Variants in PIAS1 observed in about 807,000 individuals in gnomAD.
PIAS1 encodes protein inhibitor of activated STAT 1, also known as E3 SUMO-protein ligase PIAS1.
PIAS1 carries 6 observed loss-of-function variants against 71.3 expected under a neutral mutation model. The ratio of observed to expected loss-of-function variants is 0.08; its 90% CI spans 0.05 to 0.17. PIAS1 has a LOEUF of 0.17. PIAS1 is among the 10% of genes least tolerant of loss of function. The pLI, the probability that PIAS1 is intolerant of heterozygous loss-of-function variation, is 1.00. For synonymous variants in PIAS1, 303 were observed against 292.9 expected, an observed-to-expected ratio of 1.03 and a Z score of -0.35; for missense variants, 555 against 793.6, an observed-to-expected ratio of 0.70 and a Z score of 3.61.
chr15:68,119,688 T>C (rs1444130180), intron 2 of PIAS1, among the ~76,000 whole-genome samples: 5 of 152,160 alleles, frequency 3.3e-5, no homozygotes, highest in Non-Finnish European at 5.9e-5. Flanking sequence ...ATCAGATTGG[T>C]TGGTAATATT....
At chr15:68,091,337 G>T (rs1326913902) in intron 2 of PIAS1, among the ~76,000 whole-genome samples, 1 of 151,842 alleles carries the variant, frequency 6.6e-6, no homozygotes, top group Non-Finnish European at 1.5e-5. Context: ...TGTTTAAATT[G>T]GCTTTGTTAG....
rs1181086379 is a variant in PIAS1 at position 68,167,269 on chromosome 15, A to G, written c.1008+2465A>G. 6.6e-6 allele frequency among the ~76,000 whole-genome samples: 1 copy of G among 152,206 alleles called. No individual in the cohort carries two copies. Among genetic ancestry groups the G allele is most frequent in the Non-Finnish European group, 1.5e-5 (1 of 68,044 alleles). ...CATGGGTTTCTATTTGGCTAAAGGGATAATCCCTTACAGTTATTCTGAAAT... is the reference window on the plus strand; with the variant it reads ...CATGGGTTTCTATTTGGCTAAAGGGGTAATCCCTTACAGTTATTCTGAAAT... On this transcript the variant is annotated intron_variant, in intron 8 of 13. Coordinates refer to ENST00000249636, the MANE Select transcript of PIAS1 (RefSeq NM_016166.3). This position sits in a 1 kb window ranked among gnomAD's most constrained non-coding sequence, Gnocchi z 4.4.
At chr15:68,120,856 T>C (rs186916658) in intron 2 of PIAS1, among the ~76,000 whole-genome samples, 3 of 152,250 alleles carry the variant, frequency 2.0e-5, no homozygotes, top group East Asian at 3.9e-4. Context: ...CTTTTCACCA[T>C]GTTGACCAGG....
chr15:68,166,405 G>A (rs989400684), intron 8 of PIAS1, among the ~76,000 whole-genome samples: 5 of 151,354 alleles, frequency 3.3e-5, no homozygotes, highest in South Asian at 2.1e-4. Context: ...GGGAAGTAGA[G>A]GGTGAGAAAA....
chr15:68,095,604 C>T (rs964230933), intron 2 of PIAS1, among the ~76,000 whole-genome samples: 2 of 149,374 alleles, frequency 1.3e-5, no homozygotes, highest in South Asian at 2.1e-4. Flanking sequence ...GATCTCGGCT[C>T]ACTGCAACTT....
chr15:68,134,441 G>A lies in PIAS1; in HGVS notation c.470-7505G>A, dbSNP rs1413484079. ...CCTCACCACCCAGTAGGAGCGGCTG[G>A]GCAGAGGCGCCCCTCACCTCCCGGA... On this transcript the variant is annotated intron_variant, in intron 2 of 13. Transcript: ENST00000249636. Among the ~76,000 whole-genome samples the A allele has an allele frequency of 3.5e-5, 2 of 57,616 alleles. 1 individual carries two copies. The highest frequency in any genetic ancestry group is 1.4e-4 in the Non-Finnish European group (2 of 14,498). The allele number at this position is 57,616 out of a possible 152,430, so 37.8% of individuals were successfully genotyped here.
chr15:68,156,543 C>T (rs1038770978), intron 7 of PIAS1, among the ~76,000 whole-genome samples: 36 of 151,714 alleles, frequency 2.4e-4, no homozygotes, highest in African/African-American at 7.8e-4. Flanking sequence ...CCTGTCTCTA[C>T]TAAAAATACA....
At chr15:68,072,398 TC>T (rs1247213634) in intron 1 of PIAS1, among the ~76,000 whole-genome samples, 1 of 34,336 alleles carries the variant, frequency 2.9e-5, no homozygotes, top group Non-Finnish European at 4.6e-5. Flanking sequence ...AGACTCCATC[TC>T]AAAAAAAAAA....
intron 2 of PIAS1, among the ~76,000 whole-genome samples, chr15:68,129,047 A>C (rs1393778211): frequency 6.6e-6 from 1 of 152,144 alleles, no homozygotes; most frequent in Non-Finnish European, 1.5e-5. Context: ...TGTAACTTAT[A>C]AATATTAGAG....
rs530109759 is a variant in PIAS1, at chr15:68,188,960, A to C, written c.*1125A>C. ...TTGTTTGGAAAGTACAATGCACCAC[A>C]TTTTTGTAGAAGTCTACTATTTGAT... On this transcript the variant is annotated 3_prime_UTR_variant, in exon 14 of 14. Transcript: ENST00000249636. The C allele has an allele frequency of 9.2e-5, 14 of 152,348 alleles. No individual in the cohort carries two copies. Among genetic ancestry groups the C allele is most frequent in the Admixed American group, 7.2e-4 (11 of 15,304 alleles). The allele number at this position is 152,348 out of a possible 1,614,324, so 9.4% of individuals were successfully genotyped here.
At chr15:68,096,427 CA>C (rs1007965864) in intron 2 of PIAS1, among the ~76,000 whole-genome samples, 21 of 150,192 alleles carry the variant, frequency 1.4e-4, no homozygotes, top group African/African-American at 4.9e-4. Flanking sequence ...GATTTTATAT[CA>C]ACTTTAGGAT....
In PIAS1 at chr15:68,192,992, C is replaced by T. The variant is rs2093127234; in HGVS notation, c.*5157C>T. 6.6e-6 allele frequency: 1 copy of T among 152,316 alleles called. No individual in the cohort carries two copies. Among genetic ancestry groups the T allele is most frequent in the Non-Finnish European group, 1.5e-5 (1 of 68,138 alleles). The allele number at this position is 152,316 out of a possible 1,614,324, so 9.4% of individuals were successfully genotyped here. A position where few individuals can be genotyped will look rare whatever the true frequency, so the allele number is the denominator to read the frequency against. On this transcript the variant is annotated 3_prime_UTR_variant, in exon 14 of 14. Coordinates refer to ENST00000249636, the MANE Select transcript of PIAS1 (RefSeq NM_016166.3). ...TGGCACCTTCTAGCTGTGTAACTCA[C>T]TCAAAGCCACTCCAGCTGGATGGAC...
chr15:68,086,485 A>G lies in PIAS1; in HGVS notation c.204A>G (p.Lys68=). 1 of 1,613,942 alleles carries G rather than the reference A, an allele frequency of 6.2e-7. No homozygotes were observed. Among genetic ancestry groups the G allele is most frequent in the Non-Finnish European group, 8.5e-7 (1 of 1,179,864 alleles). ...KELYRRRFPQ[K]IMTPADLSIP... Reference sequence around the variant, plus strand: ...TCTATAGGCGGCGGTTCCCACAGAAAATCATGACGCCTGCAGACTTGTCCA... The same window carrying G: ...TCTATAGGCGGCGGTTCCCACAGAAGATCATGACGCCTGCAGACTTGTCCA... The change falls in exon 2 of 14, where the codon AAA becomes AAG. Residue 68 remains lysine (K), a synonymous_variant. Coordinates refer to ENST00000249636, the MANE Select transcript of PIAS1 (RefSeq NM_016166.3). The surrounding 1 kb of genome is among the most constrained non-coding windows in gnomAD (Gnocchi z 7.2).
At chr15:68,072,690 A>T (rs2140967204) in intron 1 of PIAS1, among the ~76,000 whole-genome samples, 1 of 152,270 alleles carries the variant, frequency 6.6e-6, no homozygotes, top group South Asian at 2.1e-4. Context: ...TGTTACCGTC[A>T]CTATTTCAGA....
intron 2 of PIAS1, among the ~76,000 whole-genome samples, chr15:68,097,077 C>T (rs1385488651): frequency 6.6e-6 from 1 of 152,080 alleles, no homozygotes; most frequent in African/African-American, 2.4e-5. Context: ...GAGATAGTTT[C>T]CTTCCATTCC....
chr15:68,143,587 G>T (rs920641554), intron 4 of PIAS1, among the ~76,000 whole-genome samples: 1 of 152,004 alleles, frequency 6.6e-6, no homozygotes, highest in Non-Finnish European at 1.5e-5. Context: ...ATTTTATGTC[G>T]GCCAGATTGT....
At chr15:68,135,625 C>A (rs2092726442) in intron 2 of PIAS1, among the ~76,000 whole-genome samples, 1 of 67,486 alleles carries the variant, frequency 1.5e-5, no homozygotes, top group Non-Finnish European at 4.4e-5. Flanking sequence ...GGGGGGCTGA[C>A]CCCCCCACCT....
chr15:68,117,875 G>A (rs1241465967), intron 2 of PIAS1, among the ~76,000 whole-genome samples: 2 of 152,104 alleles, frequency 1.3e-5, no homozygotes, highest in African/African-American at 4.8e-5. Context: ...ATCCAGTAGT[G>A]GGATTGCTAG....
chr15:68,137,914 G>C (rs1307831743), intron 2 of PIAS1, among the ~76,000 whole-genome samples: 1 of 152,168 alleles, frequency 6.6e-6, no homozygotes, highest in Non-Finnish European at 1.5e-5. Context: ...AGGCCAAGGT[G>C]GGAGGATTCT....
Sources: allele counts gnomAD v4.1 joint callset (sites outside exome capture counted in the v4.1 genomes callset), GRCh38; gene constraint gnomAD v4.1.1; non-coding constraint Gnocchi (gnomAD v3.1); transcripts MANE v1.5; gene names NCBI Gene and HGNC (gene_info 2026-07-23, HGNC 2026-07-21).